ASAP1: variants seen among roughly 807,000 people sequenced by gnomAD.
ASAP1 encodes the protein arf-GAP with SH3 domain, ANK repeat and PH domain-containing protein 1.
Under a neutral mutation model 145.2 loss-of-function variants are expected in ASAP1, and 43 were observed. The observed-to-expected ratio is 0.30, with a 90% CI of 0.23 to 0.38. ASAP1 has a LOEUF of 0.38. Among genes scored for constraint, ASAP1 ranks in the 10% least tolerant of loss-of-function variants. The pLI is 1.00. For missense variants in ASAP1, 1,018 were observed against 1,355.3 expected (o/e 0.75, Z 3.91); for synonymous variants, 546 against 515.5 (o/e 1.06, Z -0.80).
intron 27 of ASAP1, among the ~76,000 whole-genome samples, chr8:130,066,945 T>C (rs1340259318): frequency 6.6e-6 from 1 of 152,192 alleles, no homozygotes; most frequent in African/African-American, 2.4e-5. Context: ...AGCATTCTCT[T>C]CAGCACTGTT....
In ASAP1 at chr8:130,358,477, G is replaced by A. The variant is rs892880640; in HGVS notation, c.60-334C>T. Among the ~76,000 whole-genome samples the A allele has an allele frequency of 1.0e-4, 15 of 148,374 alleles. No homozygotes were observed. Among genetic ancestry groups the A allele is most frequent in the African/African-American group, 2.4e-4 (10 of 41,152 alleles). ...GGGAGGGGACGCGGCTGCGCGCGGG[G>A]TCTTCGCGGGGGTCTGGGCTCCGGC... is the stretch of plus-strand genomic sequence containing the variant. On this transcript the variant is annotated intron_variant, in intron 2 of 29. Coordinates refer to ENST00000518721, the MANE Select transcript of ASAP1 (RefSeq NM_018482.4). This position sits in a 1 kb window ranked among gnomAD's most constrained non-coding sequence, Gnocchi z 4.1.
chr8:130,152,466 C>T (rs958593663), intron 13 of ASAP1: 3 of 265,036 alleles, frequency 1.1e-5, no homozygotes, highest in African/African-American at 6.6e-5. Flanking sequence ...TTTTTCAGAA[C>T]AATCAATATT....
At position 130,150,914 on chromosome 8, in the gene ASAP1, A is replaced by G. The variant is rs372219824; in HGVS notation, c.1080+1822T>C. On this transcript the variant is annotated intron_variant, in intron 13 of 29. Transcript: ENST00000518721. The stretch of plus-strand genomic sequence containing the variant: ...AAAACAAAAACATGGTAACTGACTA[A>G]AAACTCACCATCTATATAGTCAAAG... 4.6e-5 allele frequency among the ~76,000 whole-genome samples: 7 copies of G among 152,236 alleles called. No homozygotes were observed. In the East Asian group the frequency reaches 1.4e-3, roughly 29 times the overall value.
chr8:130,196,347 A>G (rs1815490999), intron 5 of ASAP1, among the ~76,000 whole-genome samples: 1 of 151,910 alleles, frequency 6.6e-6, no homozygotes, highest in Admixed American at 6.6e-5. Flanking sequence ...CATCTCAAAA[A>G]AAAAAAAAAA....
intron 3 of ASAP1, among the ~76,000 whole-genome samples, chr8:130,323,585 C>T (rs761816892): frequency 3.9e-5 from 6 of 152,108 alleles, no homozygotes; most frequent in South Asian, 2.1e-4. Flanking sequence ...TGTGAAAAAC[C>T]GTTTTGACTC....
At chr8:130,310,301 T>C (rs561572580) in intron 3 of ASAP1, among the ~76,000 whole-genome samples, 3 of 152,152 alleles carry the variant, frequency 2.0e-5, no homozygotes, top group Admixed American at 6.5e-5. Context: ...GAGGAAGAAG[T>C]AGCTTCAATG....
In ASAP1 at chr8:130,214,709, C is replaced by CA. The variant is rs1236600815; in HGVS notation, c.260-9dup. ...CTTCATTTTGTACATGATCTAAAAACAAAAAAGAAGAAGAAAGGAGTCTGA... is the reference window on the plus strand; with the variant it reads ...CTTCATTTTGTACATGATCTAAAAACAAAAAAAGAAGAAGAAAGGAGTCTGA... On this transcript the variant is annotated splice_polypyrimidine_tract_variant and intron_variant, in intron 4 of 29. Coordinates refer to ENST00000518721, the MANE Select transcript of ASAP1 (RefSeq NM_018482.4). 1.9e-6 allele frequency: 3 copies of CA among 1,568,682 alleles called. No homozygotes were observed. Among genetic ancestry groups the CA allele is most frequent in the Admixed American group, 4.1e-5 (2 of 49,046 alleles).
chr8:130,363,781 T>C (rs1826823497), intron 2 of ASAP1, among the ~76,000 whole-genome samples: 1 of 152,246 alleles, frequency 6.6e-6, no homozygotes, highest in South Asian at 2.1e-4. Context: ...TACTGTATTC[T>C]GTATAGGGCT....
rs149926213 is a variant in ASAP1, at chr8:130,419,749, G to A, written c.-27-17779C>T. On this transcript the variant is annotated intron_variant, in intron 1 of 29. Coordinates refer to ENST00000518721, the MANE Select transcript of ASAP1 (RefSeq NM_018482.4). ...GCTGAGGCATCCGATCTCTTCCCTG[G>A]GGCTCCCTCTCTAGGGGTCACTGTG... Among the ~76,000 whole-genome samples the A allele has an allele frequency of 2.7e-3, 414 of 152,174 alleles. 1 individual carries two copies. The highest frequency in any genetic ancestry group is 9.4e-3 in the African/African-American group (392 of 41,508).
chr8:130,094,160 T>C (rs915067643), intron 24 of ASAP1, among the ~76,000 whole-genome samples: 2 of 152,226 alleles, frequency 1.3e-5, no homozygotes, highest in East Asian at 3.9e-4. Flanking sequence ...TTTGTAGTTT[T>C]CAAAATGTGT....
chr8:130,350,731 A>T (rs1304609973), intron 3 of ASAP1, among the ~76,000 whole-genome samples: 2 of 152,238 alleles, frequency 1.3e-5, no homozygotes, highest in East Asian at 1.9e-4. Context: ...CAGAGTAGAT[A>T]TTCTCCAAGG....
intron 4 of ASAP1, 94 bp downstream of exon 4, chr8:130,236,828 A>C: frequency 1.1e-6 from 1 of 933,616 alleles, no homozygotes. Context: ...ATTTGTGTCA[A>C]GTTTCCTATA....
intron 3 of ASAP1, among the ~76,000 whole-genome samples, chr8:130,242,262 A>AAAC (rs1491524812): frequency 1.8e-3 from 21 of 11,820 alleles, no homozygotes; most frequent in African/African-American, 7.1e-3. Flanking sequence ...TGATTTCCTT[A>AAAC]AAAAAAAAAA....
intron 24 of ASAP1, among the ~76,000 whole-genome samples, chr8:130,094,094 T>C (rs987450355): frequency 4.6e-5 from 7 of 152,094 alleles, no homozygotes; most frequent in African/African-American, 1.4e-4. Context: ...TCAGAAACTA[T>C]TTTATTTTTG....
intron 24 of ASAP1, among the ~76,000 whole-genome samples, chr8:130,094,439 T>C (rs1172239301): frequency 6.6e-6 from 1 of 152,124 alleles, no homozygotes; most frequent in Non-Finnish European, 1.5e-5. Context: ...CAGGCTGGCC[T>C]TGAACTCCTG....
intron 18 of ASAP1, among the ~76,000 whole-genome samples, chr8:130,123,712 C>T (rs184381325): frequency 0.014 from 2,103 of 152,114 alleles, 65 homozygotes; most frequent in African/African-American, 0.047. Context: ...CTGCAAGCTC[C>T]GCCTCCCGGG....
rs71302392 is a variant in ASAP1, at chr8:130,095,294, A to ATT, written c.2402-3153_2402-3152dup. On this transcript the variant is annotated intron_variant, in intron 24 of 29. Coordinates refer to ENST00000518721, the MANE Select transcript of ASAP1 (RefSeq NM_018482.4). ...CTACTTCTATCTTTTTAGGCCAGTG[A>ATT]TTTTTTTTTTTTTTTTTTTTTTTTG... Among the ~76,000 whole-genome samples the ATT allele has an allele frequency of 3.5e-3, 331 of 95,670 alleles. 1 individual carries two copies. Among genetic ancestry groups the ATT allele is most frequent in the African/African-American group, 4.1e-3 (96 of 23,222 alleles). The allele number at this position is 95,670 out of a possible 152,430, so 62.8% of individuals were successfully genotyped here.
At chr8:130,338,086 G>T (rs1825148028) in intron 3 of ASAP1, among the ~76,000 whole-genome samples, 1 of 152,138 alleles carries the variant, frequency 6.6e-6, no homozygotes, top group Admixed American at 6.5e-5. Context: ...GGGCACTGGG[G>T]GATAAGACGA....
chr8:130,422,916 T>C (rs1349549277), intron 1 of ASAP1, among the ~76,000 whole-genome samples: 1 of 152,148 alleles, frequency 6.6e-6, no homozygotes, highest in Non-Finnish European at 1.5e-5. Context: ...ACCTCAAATA[T>C]CCATCTGCTT....
Sources: gnomAD v4.1 joint callset for allele counts (sites outside exome capture counted in the v4.1 genomes callset) on GRCh38, gnomAD v4.1.1 for gene constraint, Gnocchi (gnomAD v3.1) non-coding constraint, MANE v1.5 for transcripts, NCBI Gene and HGNC (gene_info 2026-07-23, HGNC 2026-07-21) for gene names.